The following DAP variants were observed in gnomAD, a reference collection of about 807,000 sequenced individuals.
DAP encodes the protein death-associated protein 1.
A neutral mutation model predicts 13.8 loss-of-function variants in DAP; 8 were observed. The ratio of observed to expected loss-of-function variants is 0.58; its 90% CI spans 0.34 to 1.05. DAP has a LOEUF of 1.05. Among genes scored for constraint, DAP ranks in the 50% least tolerant of loss-of-function variants. DAP has a pLI of 0.03. For synonymous variants in DAP, 47 were observed against 47.5 expected (o/e 0.99, Z 0.04); for missense variants, 106 against 133.2 (o/e 0.80, Z 1.01).
In DAP at chr5:10,680,652, C is replaced by T. The variant is rs941176742; in HGVS notation, c.*404G>A. The T allele has an allele frequency of 6.3e-6, 8 of 1,277,702 alleles. No individual in the cohort carries two copies. The East Asian group carries it at 1.8e-4, about 28-fold the overall frequency. 79.1% of individuals were successfully genotyped at this position (1,277,702 alleles called of 1,614,324 possible). A position where few individuals can be genotyped will look rare whatever the true frequency, so the allele number is the denominator to read the frequency against. On this transcript the variant is annotated 3_prime_UTR_variant, in exon 4 of 4. Coordinates refer to ENST00000230895, the MANE Select transcript of DAP (RefSeq NM_004394.3). ...CACAGGTGTTGAGATTTTATTGGCC[C>T]ATACTAAAAAGCATGCAATGACTGA...
chr5:10,752,790 C>T (rs1376367035), intron 1 of DAP, among the ~76,000 whole-genome samples: 1 of 152,152 alleles, frequency 6.6e-6, no homozygotes, highest in African/African-American at 2.4e-5. Context: ...GAAAATGTTC[C>T]CCTCTCCCAG....
intron 2 of DAP, among the ~76,000 whole-genome samples, chr5:10,745,527 G>A (rs952462404): frequency 2.6e-5 from 4 of 151,992 alleles, no homozygotes; most frequent in African/African-American, 9.7e-5. Flanking sequence ...ACAGCGCTGG[G>A]GTGCTCGATC....
intron 2 of DAP, among the ~76,000 whole-genome samples, chr5:10,690,567 G>A (rs949674684): frequency 6.6e-6 from 1 of 152,122 alleles, no homozygotes; most frequent in East Asian, 1.9e-4. Flanking sequence ...TTGTCTTTTT[G>A]TGTCTGGCTT....
At chr5:10,690,205 G>A (rs550811813) in intron 2 of DAP, among the ~76,000 whole-genome samples, 1 of 152,354 alleles carries the variant, frequency 6.6e-6, no homozygotes, top group African/African-American at 2.4e-5. Context: ...ACACCAGACT[G>A]AGGGTCTCCT....
At chr5:10,714,228 C>CCCA (rs1321581223) in intron 2 of DAP, among the ~76,000 whole-genome samples, 1 of 152,168 alleles carries the variant, frequency 6.6e-6, no homozygotes, top group Non-Finnish European at 1.5e-5. Context: ...ACCAGCCAAC[C>CCCA]CCACATCTTT....
intron 2 of DAP, among the ~76,000 whole-genome samples, chr5:10,741,913 G>A (rs775091978): frequency 1.2e-4 from 19 of 152,144 alleles, no homozygotes; most frequent in Non-Finnish European, 2.4e-4. Flanking sequence ...TGGCTTCCAC[G>A]GTAAAGACAC....
chr5:10,732,538 T>C (rs1739491822), intron 2 of DAP, among the ~76,000 whole-genome samples: 1 of 152,254 alleles, frequency 6.6e-6, no homozygotes. Flanking sequence ...ATTCTTTGTA[T>C]GACTTACCAT....
At chr5:10,709,822 A>C (rs1196338427) in intron 2 of DAP, among the ~76,000 whole-genome samples, 1 of 152,240 alleles carries the variant, frequency 6.6e-6, no homozygotes, top group Non-Finnish European at 1.5e-5. Context: ...GAATACCCCC[A>C]AAGGGAAGAG....
chr5:10,680,795 T>A lies in DAP; in HGVS notation c.*261A>T. 1 of 1,536,782 alleles carries A rather than the reference T, an allele frequency of 6.5e-7. No homozygotes were observed. Among genetic ancestry groups the A allele is most frequent in the Non-Finnish European group, 8.7e-7 (1 of 1,147,028 alleles). ...AACTAAAGCTAAAATTTTTCTCGGA[T>A]CTTGGCAAATTCTGCTAATGGCACC... On this transcript the variant is annotated 3_prime_UTR_variant, in exon 4 of 4. Coordinates refer to ENST00000230895, the MANE Select transcript of DAP (RefSeq NM_004394.3).
intron 1 of DAP, among the ~76,000 whole-genome samples, chr5:10,752,988 C>G (rs1347966829): frequency 6.6e-6 from 1 of 152,218 alleles, no homozygotes; most frequent in Non-Finnish European, 1.5e-5. Flanking sequence ...CTCTTCACAG[C>G]AGTTCCTTAA....
At chr5:10,737,454 G>T (rs1320394799) in intron 2 of DAP, among the ~76,000 whole-genome samples, 1 of 152,026 alleles carries the variant, frequency 6.6e-6, no homozygotes, top group Non-Finnish European at 1.5e-5. Context: ...CCACACACAT[G>T]GTAGAGAACA....
In DAP at chr5:10,753,185, G is replaced by T. The variant is rs532610607; in HGVS notation, c.56-4914C>A. On this transcript the variant is annotated intron_variant, in intron 1 of 3. Transcript: ENST00000230895. Reference sequence around the variant, plus strand: ...TGGCAGGCACCGCTCTAACCACTTGGAGTCCACGCATCTTTCACTGCACAG... The same window carrying T: ...TGGCAGGCACCGCTCTAACCACTTGTAGTCCACGCATCTTTCACTGCACAG... 5.9e-5 allele frequency among the ~76,000 whole-genome samples: 9 copies of T among 152,318 alleles called. No individual in the cohort carries two copies. The South Asian group carries it at 8.3e-4, about 14-fold the overall frequency.
At chr5:10,732,929 T>C (rs1739500937) in intron 2 of DAP, among the ~76,000 whole-genome samples, 1 of 152,242 alleles carries the variant, frequency 6.6e-6, no homozygotes. Flanking sequence ...TCTGATACTC[T>C]GTACACATTA....
At chr5:10,684,643 T>C (rs1236968363) in intron 2 of DAP, among the ~76,000 whole-genome samples, 1 of 152,212 alleles carries the variant, frequency 6.6e-6, no homozygotes, top group Non-Finnish European at 1.5e-5. Flanking sequence ...TTATACTGTT[T>C]TGTAATCTGC....
chr5:10,711,655 C>T (rs1738857242), intron 2 of DAP, among the ~76,000 whole-genome samples: 1 of 152,164 alleles, frequency 6.6e-6, no homozygotes, highest in Non-Finnish European at 1.5e-5. Context: ...ACTGTCTATC[C>T]CCATCTTCCT....
intron 2 of DAP, among the ~76,000 whole-genome samples, chr5:10,745,730 T>C (rs947431842): frequency 2.9e-4 from 44 of 152,260 alleles, no homozygotes; most frequent in African/African-American, 1.1e-3. Context: ...ACTAGCTATC[T>C]GTACCTTATT....
chr5:10,752,248 CT>C (rs2111393724), intron 1 of DAP, among the ~76,000 whole-genome samples: 2 of 152,324 alleles, frequency 1.3e-5, no homozygotes, highest in South Asian at 4.1e-4. Flanking sequence ...TCATTAATCC[CT>C]CTCAGTTATG....
chr5:10,685,155 T>C (rs1738124823), intron 2 of DAP, among the ~76,000 whole-genome samples: 1 of 72,032 alleles, frequency 1.4e-5, no homozygotes, highest in Non-Finnish European at 2.5e-5. Context: ...TTCCCCCAAG[T>C]AATTTCTGTT....
intron 2 of DAP, among the ~76,000 whole-genome samples, chr5:10,699,510 A>G (rs1738514347): frequency 6.6e-6 from 1 of 152,220 alleles, no homozygotes; most frequent in African/African-American, 2.4e-5. Context: ...AGCTAATGCG[A>G]AAGCAGGTCA....
Sources: allele counts gnomAD v4.1 joint callset (sites outside exome capture counted in the v4.1 genomes callset), GRCh38; gene constraint gnomAD v4.1.1; transcripts MANE v1.5; gene names NCBI Gene and HGNC (gene_info 2026-07-23, HGNC 2026-07-21).